DLG2: variants seen among roughly 807,000 people sequenced by gnomAD.
DLG2 encodes discs large MAGUK scaffold protein 2, also known as disks large homolog 2.
A neutral mutation model predicts 132.5 loss-of-function variants in DLG2; 45 were observed. The ratio of observed to expected loss-of-function variants is 0.34; its 90% CI spans 0.27 to 0.44. The LOEUF (loss-of-function observed/expected upper bound fraction) is 0.44. Among genes scored for constraint, DLG2 ranks in the 20% least tolerant of loss-of-function variants. The pLI is 1.00. For synonymous variants in DLG2, 424 were observed against 419.6 expected, an observed-to-expected ratio of 1.01 and a Z score of -0.13; for missense variants, 1,045 against 1,196.9, an observed-to-expected ratio of 0.87 and a Z score of 1.87.
intron 7 of DLG2, among the ~76,000 whole-genome samples, chr11:84,486,493 C>T (rs1346496255): frequency 6.6e-6 from 1 of 152,002 alleles, no homozygotes. Flanking sequence ...AAGTTTAAGT[C>T]CCAAAGTTGC....
chr11:83,583,440 T>C (rs192464462), intron 19 of DLG2, among the ~76,000 whole-genome samples: 1 of 152,346 alleles, frequency 6.6e-6, no homozygotes, highest in African/African-American at 2.4e-5. Context: ...GAACACCAAC[T>C]ATGAATCTGA....
At chr11:85,301,344 T>C (rs2079572578) in intron 3 of DLG2, among the ~76,000 whole-genome samples, 1 of 152,150 alleles carries the variant, frequency 6.6e-6, no homozygotes, top group Non-Finnish European at 1.5e-5. Context: ...ATCATGTCAG[T>C]AAATTTTATA....
At chr11:84,885,497 G>C (rs1416998025) in intron 6 of DLG2, among the ~76,000 whole-genome samples, 1 of 151,996 alleles carries the variant, frequency 6.6e-6, no homozygotes, top group Non-Finnish European at 1.5e-5. Context: ...ACCATGCCTG[G>C]CCTGGAATAA....
At chr11:84,867,138 A>G (rs556360304) in intron 6 of DLG2, among the ~76,000 whole-genome samples, 31 of 152,364 alleles carry the variant, frequency 2.0e-4, no homozygotes, top group African/African-American at 7.0e-4. Flanking sequence ...TCAAAGATAA[A>G]TAACAGTCAT....
At chr11:85,551,137 G>A (rs1217915959) in intron 3 of DLG2, among the ~76,000 whole-genome samples, 9 of 152,212 alleles carry the variant, frequency 5.9e-5, no homozygotes, top group Admixed American at 2.6e-4. Flanking sequence ...AGATGATTCC[G>A]ATATATTAGT....
At chr11:83,519,606 T>A (rs562769274) in intron 21 of DLG2, among the ~76,000 whole-genome samples, 1 of 152,290 alleles carries the variant, frequency 6.6e-6, no homozygotes, top group Admixed American at 6.5e-5. Flanking sequence ...ATGAGAAAAA[T>A]TGTTCTATTT....
At chr11:84,581,418 C>T (rs56339674) in intron 6 of DLG2, among the ~76,000 whole-genome samples, 37,407 of 151,932 alleles carry the variant, frequency 0.25, 4,967 homozygotes, top group African/African-American at 0.34. Context: ...ACTATATATA[C>T]AGATGTTCAT....
At chr11:84,837,023 A>G (rs1000878611) in intron 6 of DLG2, among the ~76,000 whole-genome samples, 3 of 151,474 alleles carry the variant, frequency 2.0e-5, no homozygotes, top group Non-Finnish European at 4.4e-5. Context: ...TCCCCACCCC[A>G]CAACAGGCCC....
intron 6 of DLG2, among the ~76,000 whole-genome samples, chr11:84,820,683 T>C (rs934114276): frequency 6.6e-6 from 1 of 151,842 alleles, no homozygotes; most frequent in Non-Finnish European, 1.5e-5. Flanking sequence ...TTTTCTACTT[T>C]CAAGCATGCA....
At chr11:84,254,446 G>T (rs1471897280) in intron 7 of DLG2, among the ~76,000 whole-genome samples, 2 of 152,224 alleles carry the variant, frequency 1.3e-5, no homozygotes, top group East Asian at 3.9e-4. Context: ...TGGGTATACA[G>T]AAGGAGCTCA....
chr11:85,114,591 C>A (rs755811040), intron 5 of DLG2, among the ~76,000 whole-genome samples: 2 of 151,926 alleles, frequency 1.3e-5, no homozygotes, highest in East Asian at 3.9e-4. Context: ...GGGTCTTAGT[C>A]TTTTAAAAAC....
chr11:85,183,918 G>T (rs1401432387), intron 4 of DLG2, among the ~76,000 whole-genome samples: 5 of 152,012 alleles, frequency 3.3e-5, no homozygotes, highest in African/African-American at 1.2e-4. Context: ...TATGTGCTGG[G>T]CACTCTATTT....
chr11:84,624,705 C>G (rs1476982476), intron 6 of DLG2, among the ~76,000 whole-genome samples: 1 of 151,410 alleles, frequency 6.6e-6, no homozygotes, highest in African/African-American at 2.4e-5. Context: ...TTTATTGGTC[C>G]TCAGCATTTT....
intron 12 of DLG2, among the ~76,000 whole-genome samples, chr11:83,978,265 A>C (rs745465293): frequency 1.3e-5 from 2 of 151,994 alleles, no homozygotes; most frequent in African/African-American, 2.4e-5. Context: ...GTACAATAGC[A>C]GTGGATGAAG....
chr11:83,518,853 A>C lies in DLG2; in HGVS notation c.2193+13855T>G, dbSNP rs76247598. ...AATTAACGATAAATAAATAAAAAAAAGAAGTTTGTTCCTGGGGTTTCTCAG... is the reference window on the plus strand; with the variant it reads ...AATTAACGATAAATAAATAAAAAAACGAAGTTTGTTCCTGGGGTTTCTCAG... On this transcript the variant is annotated intron_variant, in intron 21 of 27. Transcript: ENST00000376104. Among the ~76,000 whole-genome samples, 13 of 152,328 alleles carry C rather than the reference A, an allele frequency of 8.5e-5. No individual in the cohort carries two copies. In the East Asian group the frequency reaches 1.7e-3, roughly 20 times the overall value.
chr11:85,407,549 G>T (rs1183638552), intron 3 of DLG2, among the ~76,000 whole-genome samples: 1 of 151,756 alleles, frequency 6.6e-6, no homozygotes, highest in Non-Finnish European at 1.5e-5. Context: ...TTCTGAAGTG[G>T]ACTAGGAGGC....
Position 83,565,095 on chromosome 11 carries a change from A to C in DLG2, c.1941-23237T>G, listed in dbSNP as rs550877236. Among the ~76,000 whole-genome samples, 19 of 152,314 alleles carry C rather than the reference A, an allele frequency of 1.2e-4. No homozygotes were observed. In the East Asian group the frequency reaches 3.7e-3, roughly 29 times the overall value. ...CATTCACTAGCATAGTTCCTGGTAC[A>C]ATCCCTCATGATAAGATAATTGTAT... On this transcript the variant is annotated intron_variant, in intron 19 of 27. Transcript: ENST00000376104.
chr11:84,166,809 C>A, intron 8 of DLG2: 1 of 436,364 alleles, frequency 2.3e-6, no homozygotes, highest in Non-Finnish European at 4.7e-6. Flanking sequence ...GCAAACAATC[C>A]ATTGTTGTTT....
At chr11:84,842,368 C>T (rs540410939) in intron 6 of DLG2, among the ~76,000 whole-genome samples, 17 of 152,066 alleles carry the variant, frequency 1.1e-4, no homozygotes, top group African/African-American at 3.1e-4. Flanking sequence ...GCATGATGTG[C>T]AGGATTCAAT....
Sources: allele counts gnomAD v4.1 joint callset (sites outside exome capture counted in the v4.1 genomes callset), GRCh38; gene constraint gnomAD v4.1.1; transcripts MANE v1.5; gene names NCBI Gene and HGNC (gene_info 2026-07-23, HGNC 2026-07-21).